Variants in CA10 observed in about 807,000 individuals in gnomAD.
The protein encoded by CA10 is carbonic anhydrase-related protein 10.
A neutral mutation model predicts 44.2 loss-of-function variants in CA10; 14 were observed. The observed-to-expected ratio is 0.32, with a 90% CI of 0.21 to 0.50. The LOEUF (loss-of-function observed/expected upper bound fraction) is 0.50. Among genes scored for constraint, CA10 ranks in the 20% least tolerant of loss-of-function variants. The pLI is 0.99. For synonymous variants in CA10, 159 were observed against 141.6 expected (o/e 1.12, Z -0.87); for missense variants, 350 against 409.7 (o/e 0.85, Z 1.26).
chr17:51,631,512 G>T lies in CA10; in HGVS notation c.*72C>A. ...AAAGAAGGAGAGAGAAGCAAGAAGGGGGACATTCTAGGTTACGTCAATTCA... is the reference window on the plus strand; with the variant it reads ...AAAGAAGGAGAGAGAAGCAAGAAGGTGGACATTCTAGGTTACGTCAATTCA... On this transcript the variant is annotated 3_prime_UTR_variant, in exon 9 of 9. Transcript: ENST00000451037. 2 of 1,318,612 alleles carry T rather than the reference G, an allele frequency of 1.5e-6. No homozygotes were observed. Among genetic ancestry groups the T allele is most frequent in the South Asian group, 2.4e-5 (2 of 83,500 alleles). The allele number at this position is 1,318,612 out of a possible 1,614,324, so 81.7% of individuals were successfully genotyped here.
intron 7 of CA10, among the ~76,000 whole-genome samples, chr17:51,635,630 C>G (rs1685359116): frequency 6.6e-6 from 1 of 152,218 alleles, no homozygotes; most frequent in African/African-American, 2.4e-5. Flanking sequence ...GGAACAGATT[C>G]TTCCTCACAT....
intron 2 of CA10, among the ~76,000 whole-genome samples, chr17:51,934,654 G>A (rs1047348352): frequency 2.6e-5 from 4 of 152,044 alleles, no homozygotes; most frequent in East Asian, 3.9e-4. Context: ...CAGTTCAGGC[G>A]ATGTGTTTGG....
chr17:52,105,481 T>C (rs1300961195), intron 1 of CA10, among the ~76,000 whole-genome samples: 2 of 152,178 alleles, frequency 1.3e-5, no homozygotes, highest in South Asian at 2.1e-4. Context: ...GGTCTCAATC[T>C]CCTGACCTCG....
At chr17:51,932,900 C>T (rs1982720292) in intron 2 of CA10, among the ~76,000 whole-genome samples, 1 of 9,454 alleles carries the variant, frequency 1.1e-4, no homozygotes, top group Non-Finnish European at 2.4e-4. Flanking sequence ...CTTTTCTAAA[C>T]TACTTTTTTT....
chr17:51,633,470 AC>A lies in CA10; in HGVS notation c.964+5del. 1 of 1,610,322 alleles carries A rather than the reference AC, an allele frequency of 6.2e-7. No individual in the cohort carries two copies. On this transcript the variant is annotated splice_donor_5th_base_variant and intron_variant, in intron 8 of 8. Transcript: ENST00000451037. ...GATCCTCCACTCTCTGAGCCACCAA[AC>A]CCACCTCTATACTGAAGCTTCTGGG... is the stretch of plus-strand genomic sequence containing the variant.
chr17:51,726,802 G>A (rs899871043), intron 4 of CA10, among the ~76,000 whole-genome samples: 2 of 152,180 alleles, frequency 1.3e-5, no homozygotes, highest in African/African-American at 4.8e-5. Context: ...TATCTAGAAT[G>A]AGCCAGAAAA....
chr17:52,029,475 A>T (rs538369931), intron 2 of CA10, among the ~76,000 whole-genome samples: 1 of 152,220 alleles, frequency 6.6e-6, no homozygotes, highest in East Asian at 1.9e-4. Context: ...GTATTAATAG[A>T]GCGCAGGTCT....
Position 51,633,764 on chromosome 17 carries a change from G to A in CA10, c.790-114C>T, listed in dbSNP as rs372241025. ...GGTGGTATTGGCTGTATGAGGAAAG[G>A]GCTGTATAAGCCCCACAGAGTCCCT... On this transcript the variant is annotated intron_variant, in intron 7 of 8. Coordinates refer to ENST00000451037, the MANE Select transcript of CA10 (RefSeq NM_020178.5). 389 of 1,140,440 alleles carry A rather than the reference G, an allele frequency of 3.4e-4. 1 individual carries two copies. The African/African-American group carries it at 4.7e-3, about 14-fold the overall frequency. The allele number at this position is 1,140,440 out of a possible 1,614,324, so 70.6% of individuals were successfully genotyped here. A position where few individuals can be genotyped will look rare whatever the true frequency, so the allele number is the denominator to read the frequency against.
rs545217207 is a variant in CA10 at position 51,688,471 on chromosome 17, C to T, written c.466-34735G>A. Among the ~76,000 whole-genome samples, 4 of 152,298 alleles carry T rather than the reference C, an allele frequency of 2.6e-5. No homozygotes were observed. In the South Asian group the frequency reaches 6.2e-4, roughly 24 times the overall value. On this transcript the variant is annotated intron_variant, in intron 4 of 8. Coordinates refer to ENST00000451037, the MANE Select transcript of CA10 (RefSeq NM_020178.5). ...ACGACTGGCTAGTTTAACCACTAAACATCTCTAAGCTTTAGCTTTCTTGTC... is the reference window on the plus strand; with the variant it reads ...ACGACTGGCTAGTTTAACCACTAAATATCTCTAAGCTTTAGCTTTCTTGTC...
At chr17:51,684,479 C>T (rs1914944826) in intron 4 of CA10, among the ~76,000 whole-genome samples, 2 of 152,136 alleles carry the variant, frequency 1.3e-5, no homozygotes, top group Non-Finnish European at 2.9e-5. Flanking sequence ...CATAGCAGGG[C>T]ACCTAGCATC....
chr17:51,714,423 G>A (rs1308819821), intron 4 of CA10, among the ~76,000 whole-genome samples: 1 of 152,208 alleles, frequency 6.6e-6, no homozygotes, highest in Non-Finnish European at 1.5e-5. Flanking sequence ...TTAAGGCAGT[G>A]TATAAAAAGG....
At chr17:52,118,548 GC>G (rs1988946586) in intron 1 of CA10, among the ~76,000 whole-genome samples, 1 of 151,990 alleles carries the variant, frequency 6.6e-6, no homozygotes, top group Non-Finnish European at 1.5e-5. Context: ...GCTACAGATG[GC>G]CCCTGGAGCA....
chr17:51,997,612 C>T (rs904119796), intron 2 of CA10, among the ~76,000 whole-genome samples: 1 of 152,106 alleles, frequency 6.6e-6, no homozygotes, highest in Non-Finnish European at 1.5e-5. Context: ...TCTTCTCACA[C>T]TCTCCAGGGG....
At chr17:51,659,467 G>A (rs563334247) in intron 4 of CA10, among the ~76,000 whole-genome samples, 9 of 152,244 alleles carry the variant, frequency 5.9e-5, no homozygotes, top group South Asian at 4.1e-4. Context: ...ATATATCTAT[G>A]TATATAGCCT....
At chr17:52,156,807 T>A (rs1048320510) in intron 1 of CA10, among the ~76,000 whole-genome samples, 9 of 152,072 alleles carry the variant, frequency 5.9e-5, no homozygotes, top group Non-Finnish European at 4.4e-5. Flanking sequence ...AAGTGGCAGG[T>A]GTGAAGGGAA....
chr17:51,713,126 G>A (rs191647169), intron 4 of CA10, among the ~76,000 whole-genome samples: 1 of 152,172 alleles, frequency 6.6e-6, no homozygotes, highest in Non-Finnish European at 1.5e-5. Context: ...TCTTCAATCG[G>A]GTAACTTCCC....
intron 1 of CA10, among the ~76,000 whole-genome samples, chr17:52,137,854 C>T (rs765459070): frequency 5.9e-5 from 9 of 152,132 alleles, no homozygotes; most frequent in East Asian, 1.9e-4. Flanking sequence ...GCACTGGATG[C>T]GGGAAATATT....
At position 51,780,037 on chromosome 17, in the gene CA10, G is replaced by A. The variant is rs144802010; in HGVS notation, c.280-32219C>T. 6.6e-5 allele frequency among the ~76,000 whole-genome samples: 10 copies of A among 151,950 alleles called. No homozygotes were observed. In the East Asian group the frequency reaches 1.6e-3, roughly 24 times the overall value. On this transcript the variant is annotated intron_variant, in intron 3 of 8. Transcript: ENST00000451037. ...CACATAAAACAGGAAGGAACATCAC[G>A]ATTTGGCAATTAATACTTTTTAACA...
At chr17:51,812,719 C>CTA in intron 3 of CA10, among the ~76,000 whole-genome samples, 1 of 152,326 alleles carries the variant, frequency 6.6e-6, no homozygotes, top group South Asian at 2.1e-4. Context: ...CTAAGGAGTC[C>CTA]TATCTTTGGG....
Sources: allele counts gnomAD v4.1 joint callset (sites outside exome capture counted in the v4.1 genomes callset), GRCh38; gene constraint gnomAD v4.1.1; transcripts MANE v1.5; gene names NCBI Gene and HGNC (gene_info 2026-07-23, HGNC 2026-07-21).